The following RHOJ variants were observed in gnomAD, a reference collection of about 807,000 sequenced individuals.
RHOJ encodes the protein rho-related GTP-binding protein RhoJ.
RHOJ carries 11 observed loss-of-function variants against 23.4 expected under a neutral mutation model. That is an observed-to-expected ratio of 0.47 (90% CI 0.30 to 0.78). The LOEUF is 0.78. RHOJ is among the 30% of genes least tolerant of loss of function. RHOJ has a pLI of 0.08. For synonymous variants in RHOJ, 102 were observed against 102.7 expected (o/e 0.99, Z 0.04); for missense variants, 254 against 273.4 (o/e 0.93, Z 0.50).
Position 63,293,162 on chromosome 14 carries a change from A to G in RHOJ, c.*2138A>G, listed in dbSNP as rs553449001. The G allele has an allele frequency of 1.5e-4, 23 of 152,328 alleles. No homozygotes were observed. Among genetic ancestry groups the G allele is most frequent in the African/African-American group, 5.1e-4 (21 of 41,582 alleles). 9.4% of individuals were successfully genotyped at this position (152,328 alleles called of 1,614,324 possible). A position where few individuals can be genotyped will look rare whatever the true frequency, so the allele number is the denominator to read the frequency against. ...ATAACTCTGCAGAGGTTATGAATTC[A>G]TCCTTTACAAACAATAATGAACTTT... On this transcript the variant is annotated 3_prime_UTR_variant, in exon 5 of 5. Transcript: ENST00000316754.
Position 63,291,885 on chromosome 14 carries a change from A to G in RHOJ, c.*861A>G, listed in dbSNP as rs1476969989. The G allele has an allele frequency of 2.0e-5, 3 of 152,596 alleles. No homozygotes were observed. The East Asian group carries it at 5.8e-4, about 29-fold the overall frequency. The allele number at this position is 152,596 out of a possible 1,614,324, so 9.5% of individuals were successfully genotyped here. On this transcript the variant is annotated 3_prime_UTR_variant, in exon 5 of 5. Coordinates refer to ENST00000316754, the MANE Select transcript of RHOJ (RefSeq NM_020663.5). ...TTTTTCATCCAAGTTGATTGGGGGA[A>G]GAATATGGCAGGATCCATCTTTTAC...
chr14:63,266,990 C>A (rs1895380466), intron 1 of RHOJ, among the ~76,000 whole-genome samples: 2 of 152,192 alleles, frequency 1.3e-5, no homozygotes, highest in African/African-American at 4.8e-5. Flanking sequence ...CTACCCCTGA[C>A]ACAGCTCATG....
chr14:63,251,092 G>A (rs546803778), intron 1 of RHOJ, among the ~76,000 whole-genome samples: 9 of 152,118 alleles, frequency 5.9e-5, no homozygotes, highest in African/African-American at 2.2e-4. Flanking sequence ...AATCAACTGA[G>A]CCTCCTGTTT....
chr14:63,221,722 G>A (rs1894497718), intron 1 of RHOJ, among the ~76,000 whole-genome samples: 1 of 152,224 alleles, frequency 6.6e-6, no homozygotes, highest in Admixed American at 6.5e-5. Context: ...TCCCCCTTCA[G>A]AGGCTCTGAG....
At chr14:63,241,148 T>C (rs1371481609) in intron 1 of RHOJ, among the ~76,000 whole-genome samples, 1 of 152,226 alleles carries the variant, frequency 6.6e-6, no homozygotes, top group Non-Finnish European at 1.5e-5. Flanking sequence ...TCCAGTGCAG[T>C]GGAGGCCACG....
intron 1 of RHOJ, among the ~76,000 whole-genome samples, chr14:63,252,992 G>A (rs11624327): frequency 6.6e-6 from 1 of 152,178 alleles, no homozygotes; most frequent in Non-Finnish European, 1.5e-5. Context: ...TAACTATTTA[G>A]GTTGGCATTT....
At chr14:63,272,018 A>T (rs1315054930) in intron 2 of RHOJ, among the ~76,000 whole-genome samples, 1 of 152,250 alleles carries the variant, frequency 6.6e-6, no homozygotes, top group Non-Finnish European at 1.5e-5. Flanking sequence ...AGAACTGCAG[A>T]ATCTCAAGGT....
chr14:63,247,809 G>T (rs1461888278), intron 1 of RHOJ, among the ~76,000 whole-genome samples: 1 of 152,162 alleles, frequency 6.6e-6, no homozygotes, highest in Middle Eastern at 3.2e-3. Context: ...CCAAGACTGG[G>T]TAATTTAAAA....
chr14:63,236,290 A>G (rs1894788049), intron 1 of RHOJ, among the ~76,000 whole-genome samples: 1 of 152,312 alleles, frequency 6.6e-6, no homozygotes, highest in Non-Finnish European at 1.5e-5. Flanking sequence ...TGCCTTCTGG[A>G]ATATTTTTTT....
chr14:63,290,100 C>T (rs760662811), intron 4 of RHOJ, among the ~76,000 whole-genome samples: 1 of 151,838 alleles, frequency 6.6e-6, no homozygotes, highest in African/African-American at 2.4e-5. Flanking sequence ...AAAACTAACC[C>T]GGCTTGGTGG....
intron 2 of RHOJ, among the ~76,000 whole-genome samples, chr14:63,272,343 A>C (rs944251408): frequency 1.3e-5 from 2 of 152,254 alleles, no homozygotes; most frequent in African/African-American, 4.8e-5. Flanking sequence ...AAGAACACAT[A>C]TAATTCAAAA....
At chr14:63,241,300 C>A (rs968763318) in intron 1 of RHOJ, among the ~76,000 whole-genome samples, 4 of 152,202 alleles carry the variant, frequency 2.6e-5, no homozygotes, top group Non-Finnish European at 5.9e-5. Flanking sequence ...GACCAAAAAT[C>A]ATTTGCATCC....
intron 1 of RHOJ, among the ~76,000 whole-genome samples, chr14:63,215,171 A>C (rs1894327402): frequency 6.6e-6 from 1 of 152,208 alleles, no homozygotes; most frequent in Non-Finnish European, 1.5e-5. Context: ...AAAAACAGAA[A>C]ACCTCTTACA....
intron 2 of RHOJ, among the ~76,000 whole-genome samples, chr14:63,278,592 A>G (rs1282057904): frequency 6.6e-6 from 1 of 152,170 alleles, no homozygotes; most frequent in Admixed American, 6.5e-5. Context: ...AAATATATCC[A>G]TGATATATTG....
chr14:63,264,239 T>C (rs1260159665), intron 1 of RHOJ, among the ~76,000 whole-genome samples: 1 of 152,188 alleles, frequency 6.6e-6, no homozygotes, highest in Non-Finnish European at 1.5e-5. Flanking sequence ...GAGTACCCAA[T>C]GTTCAGTTCC....
intron 1 of RHOJ, among the ~76,000 whole-genome samples, chr14:63,217,937 C>T (rs1228180919): frequency 6.6e-6 from 1 of 152,200 alleles, no homozygotes; most frequent in East Asian, 1.9e-4. Flanking sequence ...AGGATGTAAA[C>T]TCTAAATATT....
At position 63,204,824 on chromosome 14, in the gene RHOJ, G is replaced by A; in HGVS notation, c.-46G>A. On this transcript the variant is annotated 5_prime_UTR_variant, in exon 1 of 5. Coordinates refer to ENST00000316754, the MANE Select transcript of RHOJ (RefSeq NM_020663.5). Reference sequence around the variant, plus strand: ...CGCTTCATGTGCTTTGGAAAAAGCAGGAGAAGCAATAGCAGCAGGAGTCCC... The same window carrying A: ...CGCTTCATGTGCTTTGGAAAAAGCAAGAGAAGCAATAGCAGCAGGAGTCCC... 6.4e-7 allele frequency: 1 copy of A among 1,566,476 alleles called. No homozygotes were observed. The highest frequency in any genetic ancestry group is 8.7e-7 in the Non-Finnish European group (1 of 1,152,164).
intron 1 of RHOJ, among the ~76,000 whole-genome samples, chr14:63,249,882 G>C (rs980068942): frequency 6.6e-6 from 1 of 152,202 alleles, no homozygotes; most frequent in Non-Finnish European, 1.5e-5. Flanking sequence ...GCTCTTAGTA[G>C]AACCACGTTA....
Position 63,269,133 on chromosome 14 carries a change from C to A in RHOJ, c.202C>A (p.Gln68Lys), listed in dbSNP as rs749913982. 6.2e-7 allele frequency: 1 copy of A among 1,613,160 alleles called. No homozygotes were observed. The highest frequency in any genetic ancestry group is 1.7e-5 in the Admixed American group (1 of 60,014). The part of the protein sequence containing the change: ...YAVTVTVGGK[Q>K]HLLGLYDTAG... ...AGTTACTGTGACTGTGGGAGGCAAG[C>A]AACACTTGCTCGGACTGTATGACAC... The change falls in exon 2 of 5, where the codon CAA (glutamine) becomes AAA (lysine). Residue 68 changes from glutamine (Q) to lysine (K), a missense_variant. By Grantham distance (53) the Gln-to-Lys change is moderately conservative. Transcript: ENST00000316754.
Sources: allele counts gnomAD v4.1 joint callset (sites outside exome capture counted in the v4.1 genomes callset), GRCh38; gene constraint gnomAD v4.1.1; transcripts MANE v1.5; gene names NCBI Gene and HGNC (gene_info 2026-07-23, HGNC 2026-07-21).